Variants in C2orf15 observed in about 807,000 individuals in gnomAD.
C2orf15 encodes the protein chromosome 2 open reading frame 15.
A neutral mutation model predicts 4.4 loss-of-function variants in C2orf15; 3 were observed. That is an observed-to-expected ratio of 0.67 (90% CI 0.31 to 1.74). The LOEUF (loss-of-function observed/expected upper bound fraction) is 1.74. Ranked by LOEUF, C2orf15 falls within the 40% of genes most tolerant of loss-of-function variation. The pLI is 0.09. For missense variants in C2orf15, 90 were observed against 103.3 expected (o/e 0.87, Z 0.56); for synonymous variants, 37 against 36.8 (o/e 1.00, Z -0.02).
chr2:99,147,201 A>G (rs574799559), intron 2 of C2orf15: 11 of 407,598 alleles, frequency 2.7e-5, no homozygotes, highest in East Asian at 1.1e-4. Context: ...AGGTCTCCCT[A>G]TGTTGCCCAG....
At chr2:99,144,369 GA>G (rs2093610281) in intron 2 of C2orf15, among the ~76,000 whole-genome samples, 1 of 151,872 alleles carries the variant, frequency 6.6e-6, no homozygotes, top group Admixed American at 6.6e-5. Context: ...GCCGAGGCCT[GA>G]AAGTTCCAGG....
At chr2:99,147,292 T>G in intron 2 of C2orf15, 110 bp from the exon 3 acceptor site, 1 of 567,550 alleles carries the variant, frequency 1.8e-6, no homozygotes, top group East Asian at 2.9e-5. Flanking sequence ...TGAGCCATTG[T>G]GCCCAGCCGC....
intron 3 of C2orf15, among the ~76,000 whole-genome samples, chr2:99,149,261 C>T (rs1372592159): frequency 6.6e-6 from 1 of 151,670 alleles, no homozygotes; most frequent in Non-Finnish European, 1.5e-5. Context: ...TTGGGTAGAT[C>T]ACTCTTCTCC....
In C2orf15 at chr2:99,147,682, T is replaced by G. The variant is rs541385130; in HGVS notation, c.-77+189T>G. On this transcript the variant is annotated intron_variant, in intron 3 of 3. Coordinates refer to ENST00000650052, the MANE Select transcript of C2orf15 (RefSeq NM_144706.4). ...TTTTCAATTTTGTATTTTGAAAAAG[T>G]TTTAAACCTACAGAAATGTAATAAT... Among the ~76,000 whole-genome samples the G allele has an allele frequency of 1.5e-3, 221 of 152,322 alleles. 2 individuals are homozygous for G. Among genetic ancestry groups the G allele is most frequent in the South Asian group, 3.3e-3 (16 of 4,830 alleles).
In C2orf15 at chr2:99,145,962, T is replaced by A. The variant is rs372044813; in HGVS notation, c.-168-1440T>A. Among the ~76,000 whole-genome samples the A allele has an allele frequency of 9.9e-5, 15 of 152,154 alleles. No individual in the cohort carries two copies. The East Asian group carries it at 2.7e-3, about 27-fold the overall frequency. On this transcript the variant is annotated intron_variant, in intron 2 of 3. Coordinates refer to ENST00000650052, the MANE Select transcript of C2orf15 (RefSeq NM_144706.4). ...GCCTGGGCAACACAGTGACACCCTG[T>A]CTCTACAAAAAAAATGAATTTTAAA...
At chr2:99,142,249 GGAT>G (rs1467530405) in intron 1 of C2orf15, 33 bp from the exon 2 acceptor site, 1 of 152,170 alleles carries the variant, frequency 6.6e-6, no homozygotes, top group Non-Finnish European at 1.5e-5. Context: ...AAGAGCTTCT[GGAT>G]GATAATGGTG....
intron 2 of C2orf15, among the ~76,000 whole-genome samples, chr2:99,144,944 G>A (rs1361438869): frequency 2.0e-5 from 3 of 152,198 alleles, no homozygotes; most frequent in East Asian, 3.9e-4. Context: ...GTGCTTGCTA[G>A]TAGAGTTGTT....
intron 2 of C2orf15, among the ~76,000 whole-genome samples, chr2:99,145,809 G>A (rs886494952): frequency 1.2e-4 from 19 of 152,168 alleles, no homozygotes; most frequent in Admixed American, 2.0e-4. Flanking sequence ...AGTGTGTTGA[G>A]CAGAGGACTG....
chr2:99,142,886 G>T (rs35525595), intron 2 of C2orf15, among the ~76,000 whole-genome samples: 3,002 of 152,156 alleles, frequency 0.02, 45 homozygotes, highest in Middle Eastern at 0.058. Flanking sequence ...AAGTAGGAAA[G>T]TACTTCCCTT....
intron 2 of C2orf15, among the ~76,000 whole-genome samples, chr2:99,146,416 C>T (rs1324733210): frequency 6.6e-6 from 1 of 152,130 alleles, no homozygotes; most frequent in Non-Finnish European, 1.5e-5. Flanking sequence ...AAAATATCTC[C>T]TTCCAGTCTC....
In C2orf15 at chr2:99,150,481, A is replaced by G. The variant is rs866118464; in HGVS notation, c.-76-2A>G. The G allele has an allele frequency of 7.1e-7, 1 of 1,417,196 alleles. No homozygotes were observed. The allele number at this position is 1,417,196 out of a possible 1,614,324, so 87.8% of individuals were successfully genotyped here. A position where few individuals can be genotyped will look rare whatever the true frequency, so the allele number is the denominator to read the frequency against. On this transcript the variant is annotated splice_acceptor_variant, in intron 3 of 3. Transcript: ENST00000650052. LOFTEE classifies it low-confidence loss of function (5UTR_SPLICE). ...ACTTGTTACTTTTTTTTTTTTTTTC[A>G]GTAATCAAGTTGAAGAAACACTTCC...
At chr2:99,150,400 C>T (rs1396936472) in intron 3 of C2orf15, 83 bp from the exon 4 acceptor site, 1 of 772,332 alleles carries the variant, frequency 1.3e-6, no homozygotes, top group Non-Finnish European at 2.0e-6. Flanking sequence ...AGTATCACCA[C>T]AGCTTTTCAT....
chr2:99,150,724 A>G lies in C2orf15; in HGVS notation c.166A>G (p.Asn56Asp). The change falls in exon 4 of 4, where the codon AAC (asparagine) becomes GAC (aspartate). Residue 56 changes from asparagine to aspartate, a missense_variant. Asn to Asp is a conservative substitution (Grantham distance 23). Transcript: ENST00000650052. ...KIRLEDTNQENFTRIEGTGTG... is the reference protein window; with the variant it reads ...KIRLEDTNQEDFTRIEGTGTG... Reference sequence around the variant, plus strand: ...AAGATTAGAAGACACAAATCAAGAAAACTTTACAAGGATTGAAGGGACTGG... The same window carrying G: ...AAGATTAGAAGACACAAATCAAGAAGACTTTACAAGGATTGAAGGGACTGG... The G allele has an allele frequency of 6.2e-7, 1 of 1,614,084 alleles. No individual in the cohort carries two copies. The highest frequency in any genetic ancestry group is 8.5e-7 in the Non-Finnish European group (1 of 1,179,968).
intron 2 of C2orf15, among the ~76,000 whole-genome samples, chr2:99,146,144 A>G (rs901934170): frequency 6.6e-6 from 1 of 152,152 alleles, no homozygotes; most frequent in Non-Finnish European, 1.5e-5. Flanking sequence ...TTAGCCGGGC[A>G]TGGTGGCAGG....
Position 99,150,799 on chromosome 2 carries a change from G to C in C2orf15, c.241G>C (p.Glu81Gln). The C allele has an allele frequency of 1.9e-6, 3 of 1,600,066 alleles. No homozygotes were observed. The highest frequency in any genetic ancestry group is 2.6e-6 in the Non-Finnish European group (3 of 1,175,982). The change falls in exon 4 of 4, where the codon GAA (glutamate) becomes CAA (glutamine). Residue 81 changes from glutamate (E) to glutamine (Q), a missense_variant. Physicochemically the swap from Glu to Gln is conservative, Grantham distance 29 (BLOSUM62 2). Coordinates refer to ENST00000650052, the MANE Select transcript of C2orf15 (RefSeq NM_144706.4). ...KALGSVVYVKESDGLEMTDVE is the reference protein window; with the variant it reads ...KALGSVVYVKQSDGLEMTDVE ...CTTGGGTTCAGTGGTATATGTCAAAGAAAGTGATGGACTAGAAATGACAGA... is the reference window on the plus strand; with the variant it reads ...CTTGGGTTCAGTGGTATATGTCAAACAAAGTGATGGACTAGAAATGACAGA...
At chr2:99,142,193 T>G (rs2093573527) in intron 1 of C2orf15, 92 bp from the exon 2 acceptor site, 1 of 152,266 alleles carries the variant, frequency 6.6e-6, no homozygotes, top group Non-Finnish European at 1.5e-5. Context: ...GAAAAAAGTC[T>G]TCTTAATTTT....
chr2:99,146,862 C>T (rs1481889855), intron 2 of C2orf15, among the ~76,000 whole-genome samples: 1 of 152,164 alleles, frequency 6.6e-6, no homozygotes, highest in African/African-American at 2.4e-5. Context: ...CTCCTGACCT[C>T]GTGATCCGCC....
At chr2:99,149,750 CTTTT>C in intron 3 of C2orf15, among the ~76,000 whole-genome samples, 1 of 142,256 alleles carries the variant, frequency 7.0e-6, no homozygotes, top group East Asian at 2.1e-4. Flanking sequence ...CCGATCATCT[CTTTT>C]TACAGACTAG....
At position 99,147,444 on chromosome 2, in the gene C2orf15, C is replaced by A; in HGVS notation, c.-126C>A. ...AACCTAAATGCCAGTCCAAAGAGGC[C>A]CCCAATAGACTTGTTCACCCTTCAT... On this transcript the variant is annotated 5_prime_UTR_variant, in exon 3 of 4. Coordinates refer to ENST00000650052, the MANE Select transcript of C2orf15 (RefSeq NM_144706.4). 1.2e-6 allele frequency: 2 copies of A among 1,613,206 alleles called. No homozygotes were observed. Among genetic ancestry groups the A allele is most frequent in the Non-Finnish European group, 1.7e-6 (2 of 1,179,362 alleles).
Sources: gnomAD v4.1 joint callset for allele counts (sites outside exome capture counted in the v4.1 genomes callset) on GRCh38, gnomAD v4.1.1 for gene constraint, MANE v1.5 for transcripts, NCBI Gene and HGNC (gene_info 2026-07-23, HGNC 2026-07-21) for gene names.